OR6N1: variants seen among roughly 807,000 people sequenced by gnomAD.
OR6N1 encodes olfactory receptor 6N1.
For synonymous variants in OR6N1, 170 were observed against 150.7 expected (o/e 1.13, Z -0.94); for missense variants, 394 against 371.7 (o/e 1.06, Z -0.49).
chr1:158,776,808 T>C (rs901235437), upstream of OR6N1: 6 of 1,614,074 alleles, frequency 3.7e-6, no homozygotes, highest in Admixed American at 3.3e-5. Flanking sequence ...CGGAGTAAAC[T>C]ATAGCAAGTG....
At chr1:158,802,138 T>G in the OR6N1 span, among the ~76,000 whole-genome samples, 3 of 150,904 alleles carry the variant, frequency 2.0e-5, no homozygotes, top group East Asian at 5.9e-4. Context: ...GGCTCTAGAA[T>G]CCAATCCCAG....
upstream of OR6N1, chr1:158,776,859 A>G: frequency 1.2e-6 from 2 of 1,614,206 alleles, no homozygotes; most frequent in Non-Finnish European, 1.7e-6. Flanking sequence ...TTAGCCGCAC[A>G]TACATGAAGA....
chr1:158,839,679 C>A, the OR6N1 span, among the ~76,000 whole-genome samples: 1 of 152,116 alleles, frequency 6.6e-6, no homozygotes, highest in African/African-American at 2.4e-5. Flanking sequence ...CTCCTGATCA[C>A]GTCACACCAT....
chr1:158,809,596 C>T, the OR6N1 span, among the ~76,000 whole-genome samples: 1 of 152,220 alleles, frequency 6.6e-6, no homozygotes, highest in Admixed American at 6.5e-5. Flanking sequence ...GCTCCAGTGA[C>T]TCAGTGATTT....
the OR6N1 span, among the ~76,000 whole-genome samples, chr1:158,809,628 A>G: frequency 1.3e-5 from 2 of 152,128 alleles, no homozygotes; most frequent in African/African-American, 4.8e-5. Context: ...CCACCATCCA[A>G]TAACAGGAGA....
chr1:158,809,583 T>C, the OR6N1 span, among the ~76,000 whole-genome samples: 3 of 152,124 alleles, frequency 2.0e-5, no homozygotes, highest in Non-Finnish European at 4.4e-5. Flanking sequence ...GTTATAATAT[T>C]ATGCTCCAGT....
At chr1:158,812,206 C>T in the OR6N1 span, among the ~76,000 whole-genome samples, 10 of 152,270 alleles carry the variant, frequency 6.6e-5, no homozygotes, top group African/African-American at 2.2e-4. Flanking sequence ...CTGATGGCTG[C>T]GTGTTCGCCT....
chr1:158,795,777 C>T, the OR6N1 span, among the ~76,000 whole-genome samples: 2 of 152,186 alleles, frequency 1.3e-5, no homozygotes, highest in Admixed American at 6.5e-5. Flanking sequence ...GTCATGACAG[C>T]GGTCTCCCCA....
chr1:158,801,164 GGT>G, the OR6N1 span, among the ~76,000 whole-genome samples: 28,528 of 148,332 alleles, frequency 0.19, 3,026 homozygotes, highest in South Asian at 0.43. Flanking sequence ...TGCACATACT[GGT>G]GTGTGTGTGT....
chr1:158,799,273 G>A, the OR6N1 span, among the ~76,000 whole-genome samples: 7 of 152,078 alleles, frequency 4.6e-5, no homozygotes, highest in East Asian at 1.9e-4. Context: ...AATGACGAAC[G>A]TACCCATAAA....
At chr1:158,773,216 GT>G (rs1657467292), upstream of OR6N1, among the ~76,000 whole-genome samples, 1 of 150,544 alleles carries the variant, frequency 6.6e-6, no homozygotes, top group African/African-American at 2.4e-5. Flanking sequence ...TTAATATTTT[GT>G]TTGTGGTAAA....
chr1:158,769,807 T>C (rs1015253170), intron 1 of OR6N1, among the ~76,000 whole-genome samples: 9 of 152,248 alleles, frequency 5.9e-5, no homozygotes, highest in Non-Finnish European at 1.3e-4. Context: ...GCCAAACTTT[T>C]ATATGGGTGA....
At chr1:158,814,343 C>A in the OR6N1 span, among the ~76,000 whole-genome samples, 1 of 152,146 alleles carries the variant, frequency 6.6e-6, no homozygotes, top group Non-Finnish European at 1.5e-5. Context: ...CACATATATA[C>A]ATACAGTTTC....
the OR6N1 span, among the ~76,000 whole-genome samples, chr1:158,813,872 G>A: frequency 1.3e-5 from 2 of 151,394 alleles, no homozygotes; most frequent in African/African-American, 4.9e-5. Flanking sequence ...TTTTTATTTT[G>A]TTTTTTTGGT....
chr1:158,809,916 C>T, the OR6N1 span, among the ~76,000 whole-genome samples: 3 of 152,112 alleles, frequency 2.0e-5, no homozygotes, highest in Admixed American at 6.5e-5. Context: ...AAATAATCCC[C>T]GAAGGGTATG....
the OR6N1 span, among the ~76,000 whole-genome samples, chr1:158,814,130 G>C: frequency 7.9e-5 from 12 of 152,068 alleles, no homozygotes; most frequent in African/African-American, 2.9e-4. Context: ...ACAGTGCCCT[G>C]TTTCATTCTT....
chr1:158,795,340 A>G, the OR6N1 span, among the ~76,000 whole-genome samples: 1 of 152,174 alleles, frequency 6.6e-6, no homozygotes, highest in Non-Finnish European at 1.5e-5. Context: ...GACAGAAATC[A>G]TGGCTTTCAG....
Position 158,765,692 on chromosome 1 carries a change from C to A in OR6N1, c.*52G>T. ...TTCTCGTCTCTGGCCACTGTTGATC[C>A]CTGGGGCCACCATATCCTCAGGCCC... On this transcript the variant is annotated 3_prime_UTR_variant, in exon 2 of 2. Transcript: ENST00000641846. 1 of 1,445,054 alleles carries A rather than the reference C, an allele frequency of 6.9e-7. No homozygotes were observed. The allele number at this position is 1,445,054 out of a possible 1,614,324, so 89.5% of individuals were successfully genotyped here. A position where few individuals can be genotyped will look rare whatever the true frequency, so the allele number is the denominator to read the frequency against.
chr1:158,769,876 C>T (rs1015637073), intron 1 of OR6N1, among the ~76,000 whole-genome samples: 3 of 152,096 alleles, frequency 2.0e-5, no homozygotes, highest in South Asian at 2.1e-4. Flanking sequence ...TTTTTCTCAC[C>T]GCATATCCAT....
Sources: allele counts gnomAD v4.1 joint callset (sites outside exome capture counted in the v4.1 genomes callset), GRCh38; gene constraint gnomAD v4.1.1; transcripts MANE v1.5; gene names NCBI Gene and HGNC (gene_info 2026-07-23, HGNC 2026-07-21).